FRMD4A: variants seen among roughly 807,000 people sequenced by gnomAD.
The protein encoded by FRMD4A is FERM domain-containing protein 4A.
FRMD4A carries 29 observed loss-of-function variants against 129.1 expected under a neutral mutation model. The ratio of observed to expected loss-of-function variants is 0.22; its 90% CI spans 0.17 to 0.31. FRMD4A has a LOEUF of 0.31. Among genes scored for constraint, FRMD4A ranks in the 10% least tolerant of loss-of-function variants. FRMD4A has a pLI of 1.00. For missense variants in FRMD4A, 1,272 were observed against 1,375.8 expected (o/e 0.92, Z 1.19); for synonymous variants, 634 against 571.6 (o/e 1.11, Z -1.56).
chr10:14,197,727 T>A (rs1842513817), intron 2 of FRMD4A, among the ~76,000 whole-genome samples: 1 of 152,256 alleles, frequency 6.6e-6, no homozygotes, highest in Non-Finnish European at 1.5e-5. Flanking sequence ...TTGTCTTGCA[T>A]GTTCTACATG....
intron 2 of FRMD4A, among the ~76,000 whole-genome samples, chr10:14,138,234 G>T (rs1371036655): frequency 6.6e-6 from 1 of 152,134 alleles, no homozygotes; most frequent in African/African-American, 2.4e-5. Context: ...GTAACACCAA[G>T]GTGACCAAGA....
At chr10:13,686,107 C>T (rs182847981) in intron 15 of FRMD4A, among the ~76,000 whole-genome samples, 177 of 152,244 alleles carry the variant, frequency 1.2e-3, no homozygotes, top group African/African-American at 4.0e-3. Flanking sequence ...TGGCACAATC[C>T]GACTTTGGCT....
chr10:14,285,088 A>C (rs1404867568), intron 2 of FRMD4A, among the ~76,000 whole-genome samples: 1 of 152,210 alleles, frequency 6.6e-6, no homozygotes, highest in Non-Finnish European at 1.5e-5. Context: ...CTAAATATCT[A>C]AGATTGTATG....
At chr10:14,014,165 G>A (rs1433591132) in intron 2 of FRMD4A, among the ~76,000 whole-genome samples, 1 of 152,170 alleles carries the variant, frequency 6.6e-6, no homozygotes, top group African/African-American at 2.4e-5. Flanking sequence ...CCAGCTGGGG[G>A]ATGGGAGAAA....
At chr10:14,230,995 T>C (rs765831616) in intron 2 of FRMD4A, among the ~76,000 whole-genome samples, 5 of 152,232 alleles carry the variant, frequency 3.3e-5, no homozygotes, top group Non-Finnish European at 5.9e-5. Flanking sequence ...TAGTATTCCA[T>C]GGTGTATATG....
intron 2 of FRMD4A, among the ~76,000 whole-genome samples, chr10:13,985,609 C>T (rs2095578299): frequency 6.6e-6 from 1 of 152,188 alleles, no homozygotes; most frequent in Non-Finnish European, 1.5e-5. Context: ...GCAGGGTTAG[C>T]AAAAGCCAGC....
At chr10:13,978,291 T>TC (rs2095549026) in intron 2 of FRMD4A, among the ~76,000 whole-genome samples, 1 of 151,978 alleles carries the variant, frequency 6.6e-6, no homozygotes, top group Non-Finnish European at 1.5e-5. Context: ...TGGTGTGCTG[T>TC]CCCCCATGCT....
intron 2 of FRMD4A, among the ~76,000 whole-genome samples, chr10:14,271,146 T>C (rs1845150634): frequency 6.6e-6 from 1 of 152,108 alleles, no homozygotes; most frequent in African/African-American, 2.4e-5. Context: ...GGCTCACTTA[T>C]CACCAAGGAG....
chr10:13,791,376 T>A (rs535290719), intron 5 of FRMD4A, among the ~76,000 whole-genome samples: 8 of 146,540 alleles, frequency 5.5e-5, no homozygotes, highest in African/African-American at 2.0e-4. Flanking sequence ...CTGAACACAC[T>A]CAGAAGCTCG....
At chr10:13,892,788 C>T (rs901236239) in intron 2 of FRMD4A, among the ~76,000 whole-genome samples, 2 of 152,128 alleles carry the variant, frequency 1.3e-5, no homozygotes, top group Non-Finnish European at 2.9e-5. Flanking sequence ...CATCATTTTC[C>T]GGAGACCGGT....
intron 2 of FRMD4A, among the ~76,000 whole-genome samples, chr10:14,010,403 C>T (rs1374175154): frequency 2.6e-5 from 4 of 152,088 alleles, no homozygotes; most frequent in African/African-American, 9.7e-5. Context: ...AAAAATAACC[C>T]TGGGCCAGAC....
At position 13,664,052 on chromosome 10, in the gene FRMD4A, C is replaced by T. The variant is rs144516250; in HGVS notation, c.1604-543G>A. Among the ~76,000 whole-genome samples the T allele has an allele frequency of 1.2e-3, 188 of 152,258 alleles. 1 individual carries two copies. The highest frequency in any genetic ancestry group is 4.1e-3 in the African/African-American group (172 of 41,542). ...ATTTTTATAGATGCCATTCAATTAA[C>T]CGGGAGAACACACCCAAAAGGGAGA... On this transcript the variant is annotated intron_variant, in intron 18 of 24. Transcript: ENST00000357447.
At chr10:13,843,405 T>C (rs1441633990) in intron 3 of FRMD4A, among the ~76,000 whole-genome samples, 1 of 152,142 alleles carries the variant, frequency 6.6e-6, no homozygotes, top group Admixed American at 6.5e-5. Flanking sequence ...CCAGCTGTGG[T>C]CTGGGGTGGA....
rs532005210 is a variant in FRMD4A at position 13,996,512 on chromosome 10, A to G, written c.46-137600T>C. On this transcript the variant is annotated intron_variant, in intron 2 of 24. Coordinates refer to ENST00000357447, the MANE Select transcript of FRMD4A (RefSeq NM_018027.5). Reference sequence around the variant, plus strand: ...AGACTCGTGGGAGGGCTCCTGTACCACTTGTCTGCTTCTTAAACTTCTCTT... The same window carrying G: ...AGACTCGTGGGAGGGCTCCTGTACCGCTTGTCTGCTTCTTAAACTTCTCTT... Among the ~76,000 whole-genome samples, 11 of 152,314 alleles carry G rather than the reference A, an allele frequency of 7.2e-5. No individual in the cohort carries two copies. The East Asian group carries it at 2.1e-3, about 29-fold the overall frequency.
chr10:13,753,534 CCTTT>C (rs1386855359), intron 8 of FRMD4A, among the ~76,000 whole-genome samples: 1 of 144,328 alleles, frequency 6.9e-6, no homozygotes, highest in African/African-American at 2.6e-5. Flanking sequence ...GAAATATGTA[CCTTT>C]CTATTTTTTT....
intron 2 of FRMD4A, among the ~76,000 whole-genome samples, chr10:13,886,951 T>C (rs2094630315): frequency 2.0e-5 from 3 of 152,170 alleles, no homozygotes; most frequent in African/African-American, 7.2e-5. Flanking sequence ...AAAAGGAACA[T>C]GTGAATGTAA....
At chr10:13,793,430 C>G (rs1399550261) in intron 5 of FRMD4A, among the ~76,000 whole-genome samples, 1 of 152,148 alleles carries the variant, frequency 6.6e-6, no homozygotes, top group Non-Finnish European at 1.5e-5. Context: ...CCTTGCCCTC[C>G]GAAAGTACAG....
chr10:13,695,059 T>G, intron 14 of FRMD4A, among the ~76,000 whole-genome samples: 1 of 152,182 alleles, frequency 6.6e-6, no homozygotes. Context: ...CTGGCTCTAT[T>G]TGGTTAAAAG....
intron 2 of FRMD4A, among the ~76,000 whole-genome samples, chr10:13,984,764 C>A (rs1297293316): frequency 6.6e-6 from 1 of 152,186 alleles, no homozygotes; most frequent in East Asian, 1.9e-4. Flanking sequence ...CACATTCATC[C>A]ATCAGCGGGC....
Sources: allele counts gnomAD v4.1 joint callset (sites outside exome capture counted in the v4.1 genomes callset), GRCh38; gene constraint gnomAD v4.1.1; transcripts MANE v1.5; gene names NCBI Gene and HGNC (gene_info 2026-07-23, HGNC 2026-07-21).